KCNT2: variants seen among roughly 807,000 people sequenced by gnomAD.
KCNT2 encodes potassium channel subfamily T member 2.
Under a neutral mutation model 153.8 loss-of-function variants are expected in KCNT2, and 67 were observed. That is an observed-to-expected ratio of 0.44 (90% CI 0.36 to 0.53). KCNT2 has a LOEUF of 0.53. Among genes scored for constraint, KCNT2 ranks in the 20% least tolerant of loss-of-function variants. The pLI is 0.00. For missense variants in KCNT2, 975 were observed against 1,354.8 expected, an observed-to-expected ratio of 0.72 and a Z score of 4.40; for synonymous variants, 500 against 458.8, an observed-to-expected ratio of 1.09 and a Z score of -1.15.
chr1:196,547,203 A>G (rs772155311), intron 1 of KCNT2, among the ~76,000 whole-genome samples: 1 of 152,012 alleles, frequency 6.6e-6, no homozygotes, highest in Non-Finnish European at 1.5e-5. Context: ...TGTCAAAATT[A>G]AAAACTCAGG....
chr1:196,279,661 C>T (rs540507282), intron 25 of KCNT2, among the ~76,000 whole-genome samples: 2 of 151,108 alleles, frequency 1.3e-5, no homozygotes, highest in Non-Finnish European at 1.5e-5. Context: ...AACTCCTGAC[C>T]TTGTGATCTA....
intron 1 of KCNT2, among the ~76,000 whole-genome samples, chr1:196,595,491 G>A (rs1389420531): frequency 6.6e-6 from 1 of 151,862 alleles, no homozygotes; most frequent in Non-Finnish European, 1.5e-5. Context: ...CTGGTTCCAG[G>A]ACCCCTGGGG....
intron 14 of KCNT2, among the ~76,000 whole-genome samples, chr1:196,349,946 G>A (rs1160222890): frequency 6.6e-6 from 1 of 151,936 alleles, no homozygotes; most frequent in Non-Finnish European, 1.5e-5. Flanking sequence ...CTATGAGTGA[G>A]AACGTGTGGT....
At chr1:196,391,543 G>T (rs914387433) in intron 13 of KCNT2, among the ~76,000 whole-genome samples, 1 of 151,242 alleles carries the variant, frequency 6.6e-6, no homozygotes, top group African/African-American at 2.4e-5. Flanking sequence ...AACATTAATG[G>T]AGATAAACAA....
chr1:196,249,108 T>C (rs538407829), intron 26 of KCNT2, among the ~76,000 whole-genome samples: 31 of 151,212 alleles, frequency 2.1e-4, no homozygotes, highest in African/African-American at 7.5e-4. Flanking sequence ...AATCCTTTCA[T>C]GATTAAAAAA....
chr1:196,424,412 A>G (rs1056850401), intron 11 of KCNT2, among the ~76,000 whole-genome samples: 24 of 151,984 alleles, frequency 1.6e-4, no homozygotes, highest in African/African-American at 5.8e-4. Context: ...ACCAATGAAT[A>G]CAATGATCTA....
At chr1:196,260,399 A>G (rs1198039978) in intron 25 of KCNT2, among the ~76,000 whole-genome samples, 1 of 151,864 alleles carries the variant, frequency 6.6e-6, no homozygotes, top group Non-Finnish European at 1.5e-5. Context: ...GCATCATGTA[A>G]AGTATACATC....
rs1471955724 is a variant in KCNT2 at position 196,574,412 on chromosome 1, G to T, written c.95+33803C>A. Among the ~76,000 whole-genome samples, 5 of 151,676 alleles carry T rather than the reference G, an allele frequency of 3.3e-5. No homozygotes were observed. In the East Asian group the frequency reaches 9.7e-4, roughly 29 times the overall value. ...AGAGTGAAAGTTCTGTCTCATTTTA[G>T]AAAGGAATCACTTAGAGTCATAGCT... On this transcript the variant is annotated intron_variant, in intron 1 of 27. Coordinates refer to ENST00000294725, the MANE Select transcript of KCNT2 (RefSeq NM_198503.5).
At chr1:196,565,375 T>C (rs147299976) in intron 1 of KCNT2, among the ~76,000 whole-genome samples, 1 of 151,528 alleles carries the variant, frequency 6.6e-6, no homozygotes, top group Non-Finnish European at 1.5e-5. Context: ...TATGGAAAAC[T>C]ATCTAGAGAT....
At chr1:196,247,673 G>C (rs1655575177) in intron 26 of KCNT2, among the ~76,000 whole-genome samples, 1 of 152,130 alleles carries the variant, frequency 6.6e-6, no homozygotes, top group Non-Finnish European at 1.5e-5. Flanking sequence ...CAGATCTTGT[G>C]AGAACTCACT....
chr1:196,460,746 G>C (rs543212256), intron 8 of KCNT2, among the ~76,000 whole-genome samples: 1 of 151,682 alleles, frequency 6.6e-6, no homozygotes, highest in Admixed American at 6.6e-5. Flanking sequence ...TGGGGAAGTA[G>C]AACTTAATAT....
chr1:196,283,648 A>T (rs111405127), intron 23 of KCNT2, among the ~76,000 whole-genome samples: 7,405 of 152,182 alleles, frequency 0.049, 279 homozygotes, highest in Non-Finnish European at 0.071. Context: ...AACCATTGAC[A>T]GTAGATCAAA....
At chr1:196,381,138 T>A (rs1217733260) in intron 13 of KCNT2, among the ~76,000 whole-genome samples, 1 of 152,172 alleles carries the variant, frequency 6.6e-6, no homozygotes, top group Non-Finnish European at 1.5e-5. Flanking sequence ...ACGTTTCTGT[T>A]TTTCCAGTTG....
intron 13 of KCNT2, among the ~76,000 whole-genome samples, chr1:196,378,129 TA>T (rs2148353256): frequency 6.6e-6 from 1 of 152,284 alleles, no homozygotes; most frequent in African/African-American, 2.4e-5. Flanking sequence ...AATTACTCCG[TA>T]AAGAGAAGAA....
chr1:196,398,733 A>C, intron 12 of KCNT2, 62 bp from the exon 13 acceptor site: 1 of 865,250 alleles, frequency 1.2e-6, no homozygotes, highest in Non-Finnish European at 1.8e-6. Flanking sequence ...ATATAAAGTA[A>C]AAGTAAGCAA....
chr1:196,429,515 T>G, intron 9 of KCNT2, 62 bp downstream of exon 9: 2 of 1,070,998 alleles, frequency 1.9e-6, no homozygotes, highest in South Asian at 2.1e-5. Flanking sequence ...TCTTATTAAA[T>G]GTGGAGGATT....
At chr1:196,592,024 G>A (rs531489637) in intron 1 of KCNT2, among the ~76,000 whole-genome samples, 1 of 152,238 alleles carries the variant, frequency 6.6e-6, no homozygotes, top group African/African-American at 2.4e-5. Context: ...TGTATTACAA[G>A]CTTCTTTCTG....
At chr1:196,285,785 T>A in intron 22 of KCNT2, 27 bp from the exon 23 acceptor site, 1 of 1,338,968 alleles carries the variant, frequency 7.5e-7, no homozygotes, top group South Asian at 1.2e-5. Context: ...GATAGAAAAA[T>A]TTGTGAGCAT....
intron 27 of KCNT2, among the ~76,000 whole-genome samples, chr1:196,235,554 A>C (rs1470723339): frequency 1.3e-5 from 2 of 151,312 alleles, no homozygotes; most frequent in Non-Finnish European, 3.0e-5. Flanking sequence ...ACCACTGTAC[A>C]TGTTCAATAA....
Sources: gnomAD v4.1 joint callset for allele counts (sites outside exome capture counted in the v4.1 genomes callset) on GRCh38, gnomAD v4.1.1 for gene constraint, MANE v1.5 for transcripts, NCBI Gene and HGNC (gene_info 2026-07-23, HGNC 2026-07-21) for gene names.